The following SYT2 variants were observed in gnomAD, a reference collection of about 807,000 sequenced individuals.
SYT2 encodes the protein synaptotagmin 2.
A neutral mutation model predicts 39.9 loss-of-function variants in SYT2; 15 were observed. The ratio of observed to expected loss-of-function variants is 0.38; its 90% CI spans 0.25 to 0.58. SYT2 has a LOEUF of 0.58. SYT2 is among the 20% of genes least tolerant of loss of function. The pLI is 0.70. For synonymous variants in SYT2, 181 were observed against 204.5 expected, an observed-to-expected ratio of 0.89 and a Z score of 0.98; for missense variants, 389 against 530.3, an observed-to-expected ratio of 0.73 and a Z score of 2.62.
chr1:202,602,569 G>A (rs201729895), intron 4 of SYT2, 24 bp from the exon 5 acceptor site: 1 of 1,602,230 alleles, frequency 6.2e-7, no homozygotes, highest in East Asian at 2.2e-5. Context: ...TGGGGAGAAG[G>A]GGCCTGAGTC....
intron 1 of SYT2, among the ~76,000 whole-genome samples, chr1:202,692,246 T>A (rs1204080654): frequency 6.6e-6 from 1 of 152,118 alleles, no homozygotes; most frequent in Non-Finnish European, 1.5e-5. Flanking sequence ...CCAGGCGTGC[T>A]TATTCAACTC....
intron 1 of SYT2, among the ~76,000 whole-genome samples, chr1:202,626,447 C>T (rs915272847): frequency 8.5e-6 from 1 of 118,054 alleles, no homozygotes; most frequent in African/African-American, 3.2e-5. Flanking sequence ...CTCACTCTGT[C>T]ACCCAGGCTG....
At chr1:202,650,958 G>C (rs1462607493) in intron 1 of SYT2, among the ~76,000 whole-genome samples, 1 of 152,132 alleles carries the variant, frequency 6.6e-6, no homozygotes, top group Non-Finnish European at 1.5e-5. Flanking sequence ...ATGCCGCCTG[G>C]AGGCACTGGG....
chr1:202,607,099 C>A (rs141537213), intron 1 of SYT2, among the ~76,000 whole-genome samples: 1 of 152,114 alleles, frequency 6.6e-6, no homozygotes, highest in Non-Finnish European at 1.5e-5. Flanking sequence ...AATGTTCTTA[C>A]GAGCTTCCAA....
intron 1 of SYT2, among the ~76,000 whole-genome samples, chr1:202,661,120 A>G (rs992413575): frequency 6.6e-6 from 1 of 152,104 alleles, no homozygotes; most frequent in Non-Finnish European, 1.5e-5. Flanking sequence ...TTGTGTATTC[A>G]TTGATTCAAT....
At chr1:202,696,872 C>T (rs991831502) in intron 1 of SYT2, among the ~76,000 whole-genome samples, 4 of 152,232 alleles carry the variant, frequency 2.6e-5, no homozygotes, top group Admixed American at 6.5e-5. Flanking sequence ...GAGCTCTTCG[C>T]ATTGGTGCAA....
At chr1:202,707,421 C>G (rs1450827634) in intron 1 of SYT2, among the ~76,000 whole-genome samples, 1 of 152,186 alleles carries the variant, frequency 6.6e-6, no homozygotes, top group Non-Finnish European at 1.5e-5. Context: ...TGTTCCAGTT[C>G]TTAAAGAGTA....
intron 1 of SYT2, among the ~76,000 whole-genome samples, chr1:202,670,084 C>A (rs1273433357): frequency 2.6e-5 from 4 of 152,142 alleles, no homozygotes; most frequent in Non-Finnish European, 5.9e-5. Context: ...TGTGGCAACC[C>A]AAGAGGGAGA....
chr1:202,634,315 C>T (rs1483462602), intron 1 of SYT2, among the ~76,000 whole-genome samples: 1 of 152,058 alleles, frequency 6.6e-6, no homozygotes, highest in Admixed American at 6.5e-5. Flanking sequence ...GTCAGGAGTT[C>T]GAGACCAGCC....
chr1:202,644,734 G>GGC (rs1558446376), intron 1 of SYT2, among the ~76,000 whole-genome samples: 2 of 152,238 alleles, frequency 1.3e-5, no homozygotes, highest in South Asian at 2.1e-4. Flanking sequence ...TGTGTTGGGG[G>GGC]GGGCAGTCAC....
chr1:202,684,499 C>A (rs1653609732), intron 1 of SYT2, among the ~76,000 whole-genome samples: 1 of 152,146 alleles, frequency 6.6e-6, no homozygotes, highest in Non-Finnish European at 1.5e-5. Context: ...AAATAACATT[C>A]CATCGTGTAT....
intron 1 of SYT2, among the ~76,000 whole-genome samples, chr1:202,677,783 G>A (rs897702437): frequency 6.6e-6 from 1 of 152,166 alleles, no homozygotes; most frequent in Admixed American, 6.5e-5. Context: ...AATATGAACA[G>A]CAAAATCATC....
At chr1:202,661,604 G>A (rs913466173) in intron 1 of SYT2, among the ~76,000 whole-genome samples, 4 of 152,084 alleles carry the variant, frequency 2.6e-5, no homozygotes, top group African/African-American at 7.2e-5. Context: ...AGCTCAGCCC[G>A]TGGCCTCAAT....
chr1:202,624,704 GGTGT>G (rs1363189916), intron 1 of SYT2, among the ~76,000 whole-genome samples: 3 of 142,044 alleles, frequency 2.1e-5, no homozygotes, highest in Non-Finnish European at 4.6e-5. Flanking sequence ...CGTGTAGTAG[GGTGT>G]GTGTGTGGTA....
chr1:202,694,605 A>T (rs1572683993), intron 1 of SYT2, among the ~76,000 whole-genome samples: 1 of 152,054 alleles, frequency 6.6e-6, no homozygotes, highest in Non-Finnish European at 1.5e-5. Context: ...ATCCCTAACT[A>T]CAGCAATAAC....
At chr1:202,667,014 C>A (rs1475939015) in intron 1 of SYT2, among the ~76,000 whole-genome samples, 2 of 152,046 alleles carry the variant, frequency 1.3e-5, no homozygotes, top group Non-Finnish European at 2.9e-5. Context: ...AAACAAAAAC[C>A]CAAAAGATTG....
intron 1 of SYT2, among the ~76,000 whole-genome samples, chr1:202,687,110 C>A (rs1010685402): frequency 6.6e-6 from 1 of 152,090 alleles, no homozygotes; most frequent in Admixed American, 6.5e-5. Context: ...TATATCACCA[C>A]GGCTTAGCAA....
In SYT2 at chr1:202,599,137, G is replaced by C; in HGVS notation, c.1053+81C>G. 2 of 1,569,556 alleles carry C rather than the reference G, an allele frequency of 1.3e-6. No individual in the cohort carries two copies. The highest frequency in any genetic ancestry group is 4.6e-5 in the East Asian group (2 of 43,778). ...AAAGGCTGTTCCATGGTCTCTAGGT[G>C]AGTTCCCTCTCTTCAACCTCCCCAT... On this transcript the variant is annotated intron_variant, in intron 8 of 8. Transcript: ENST00000367268. This position sits in a 1 kb window ranked among gnomAD's most constrained non-coding sequence, Gnocchi z 4.4.
intron 1 of SYT2, among the ~76,000 whole-genome samples, chr1:202,647,576 C>T (rs369024534): frequency 2.6e-5 from 4 of 152,124 alleles, no homozygotes; most frequent in African/African-American, 9.7e-5. Context: ...TGCCCCCAGG[C>T]CCTAGCTGAA....
Sources: allele counts gnomAD v4.1 joint callset (sites outside exome capture counted in the v4.1 genomes callset), GRCh38; gene constraint gnomAD v4.1.1; non-coding constraint Gnocchi (gnomAD v3.1); transcripts MANE v1.5; gene names NCBI Gene and HGNC (gene_info 2026-07-23, HGNC 2026-07-21).